Variants in TRHDE observed in about 807,000 individuals in gnomAD.
The protein encoded by TRHDE is thyrotropin-releasing hormone-degrading ectoenzyme.
In TRHDE, 72 loss-of-function variants were observed where a neutral mutation model predicts 125.7. The ratio of observed to expected loss-of-function variants is 0.57; its 90% CI spans 0.47 to 0.70. The LOEUF is 0.70. Ranked by LOEUF, TRHDE falls within the 30% of genes least tolerant of loss-of-function variation. TRHDE has a pLI of 0.00. For synonymous variants in TRHDE, 509 were observed against 509.1 expected (o/e 1.00, Z 0.00); for missense variants, 1,110 against 1,327.1 (o/e 0.84, Z 2.54).
intron 6 of TRHDE, among the ~76,000 whole-genome samples, chr12:72,517,512 G>A (rs1878938105): frequency 6.6e-6 from 1 of 151,984 alleles, no homozygotes; most frequent in African/African-American, 2.4e-5. Context: ...ATTTTTTATT[G>A]CGTCTGTTTG....
At chr12:72,209,969 C>T (rs1483678376) in intron 2 of TRHDE, among the ~76,000 whole-genome samples, 3 of 152,032 alleles carry the variant, frequency 2.0e-5, no homozygotes. Flanking sequence ...AAGACGTAGA[C>T]ATTGTTGAGG....
intron 2 of TRHDE, among the ~76,000 whole-genome samples, chr12:72,180,600 A>G (rs562790257): frequency 6.6e-6 from 1 of 152,270 alleles, no homozygotes; most frequent in Admixed American, 6.5e-5. Flanking sequence ...TTAGCTCTCC[A>G]TTAAAATCAG....
At chr12:72,238,889 T>C (rs1878418470) in intron 2 of TRHDE, among the ~76,000 whole-genome samples, 1 of 152,178 alleles carries the variant, frequency 6.6e-6, no homozygotes, top group Admixed American at 6.5e-5. Context: ...TGATTTATAA[T>C]CCTTTGGGTA....
chr12:72,470,266 T>C (rs993452629), intron 4 of TRHDE, among the ~76,000 whole-genome samples: 3 of 152,336 alleles, frequency 2.0e-5, no homozygotes, highest in East Asian at 1.9e-4. Flanking sequence ...CAATGATTTA[T>C]TGCATCGCTG....
intron 2 of TRHDE, among the ~76,000 whole-genome samples, chr12:72,180,730 A>G (rs1049320746): frequency 6.6e-6 from 1 of 152,124 alleles, no homozygotes; most frequent in Non-Finnish European, 1.5e-5. Context: ...ATTACTTTTC[A>G]GGCTACCCCA....
intron 3 of TRHDE, among the ~76,000 whole-genome samples, chr12:72,441,903 A>G (rs2135856739): frequency 6.6e-6 from 1 of 151,954 alleles, no homozygotes; most frequent in East Asian, 1.9e-4. Context: ...TCTGCCACCC[A>G]TTTTTCCTTG....
intron 2 of TRHDE, among the ~76,000 whole-genome samples, chr12:72,247,135 G>A (rs1458038750): frequency 6.6e-6 from 1 of 152,056 alleles, no homozygotes; most frequent in Non-Finnish European, 1.5e-5. Flanking sequence ...TGTATCCTGT[G>A]TATATCCTGT....
At chr12:72,530,531 C>A (rs1232398480) in intron 6 of TRHDE, among the ~76,000 whole-genome samples, 1 of 144,224 alleles carries the variant, frequency 6.9e-6, no homozygotes. Context: ...CTCCCAGGAC[C>A]TATTCTTCAG....
At chr12:72,611,578 T>A (rs1056294571) in intron 12 of TRHDE, among the ~76,000 whole-genome samples, 1 of 152,138 alleles carries the variant, frequency 6.6e-6, no homozygotes, top group South Asian at 2.1e-4. Flanking sequence ...AGCTCCTTCA[T>A]TTCATGAACC....
chr12:72,385,845 C>A (rs900705302), intron 3 of TRHDE, among the ~76,000 whole-genome samples: 30 of 151,974 alleles, frequency 2.0e-4, no homozygotes, highest in African/African-American at 7.2e-4. Context: ...GAGATAAGCA[C>A]AATAGTAAGG....
chr12:72,487,909 G>A (rs1033578747), intron 5 of TRHDE, among the ~76,000 whole-genome samples: 5 of 152,042 alleles, frequency 3.3e-5, no homozygotes, highest in Admixed American at 2.6e-4. Context: ...AAAGTTCAGA[G>A]TTTTTGTATG....
chr12:72,309,774 C>T (rs4760830), intron 2 of TRHDE: 54,421 of 151,300 alleles, frequency 0.36, 11,792 homozygotes, highest in East Asian at 0.58. Flanking sequence ...GCAGAGGATG[C>T]AGAGGAAAGA....
At chr12:72,111,326 A>C (rs960593058) in intron 2 of TRHDE, among the ~76,000 whole-genome samples, 1 of 152,182 alleles carries the variant, frequency 6.6e-6, no homozygotes, top group Admixed American at 6.6e-5. Context: ...GACTGTAAGC[A>C]AAAGGAGAAT....
At chr12:72,614,181 G>A (rs1456568137) in intron 12 of TRHDE, among the ~76,000 whole-genome samples, 4 of 151,856 alleles carry the variant, frequency 2.6e-5, no homozygotes, top group African/African-American at 4.8e-5. Context: ...ATTGGGAATT[G>A]CAATTCAACA....
At chr12:72,319,503 ATGGT>A (rs1478417711) in intron 2 of TRHDE, among the ~76,000 whole-genome samples, 5 of 152,190 alleles carry the variant, frequency 3.3e-5, no homozygotes, top group African/African-American at 1.2e-4. Flanking sequence ...GATGGAAAAA[ATGGT>A]ACATATGGAA....
At chr12:72,549,546 C>A (rs1055261611) in intron 7 of TRHDE, among the ~76,000 whole-genome samples, 1 of 151,606 alleles carries the variant, frequency 6.6e-6, no homozygotes, top group Non-Finnish European at 1.5e-5. Flanking sequence ...GATATGCTAT[C>A]GGTAAAAAGG....
chr12:72,292,265 T>C (rs1338849147), intron 2 of TRHDE, among the ~76,000 whole-genome samples: 1 of 152,216 alleles, frequency 6.6e-6, no homozygotes. Context: ...CTTAGACCAT[T>C]TTTGTCCTGA....
At chr12:72,535,672 T>TATCA (rs1364901541) in intron 6 of TRHDE, among the ~76,000 whole-genome samples, 2 of 151,912 alleles carry the variant, frequency 1.3e-5, no homozygotes, top group Non-Finnish European at 2.9e-5. Flanking sequence ...TAAATATAGC[T>TATCA]ATCATATTAT....
chr12:72,568,363 T>C (rs1870550077), intron 9 of TRHDE, among the ~76,000 whole-genome samples: 1 of 152,142 alleles, frequency 6.6e-6, no homozygotes, highest in East Asian at 1.9e-4. Flanking sequence ...GCAATTAAAA[T>C]TCTTAAAGGC....
Sources: gnomAD v4.1 joint callset for allele counts (sites outside exome capture counted in the v4.1 genomes callset) on GRCh38, gnomAD v4.1.1 for gene constraint, MANE v1.5 for transcripts, NCBI Gene and HGNC (gene_info 2026-07-23, HGNC 2026-07-21) for gene names.